IFFO2: variants seen among roughly 807,000 people sequenced by gnomAD.
IFFO2 encodes intermediate filament family orphan 2.
A neutral mutation model predicts 53.5 loss-of-function variants in IFFO2; 19 were observed. That is an observed-to-expected ratio of 0.36 (90% CI 0.25 to 0.52). The LOEUF is 0.52. Ranked by LOEUF, IFFO2 falls within the 20% of genes least tolerant of loss-of-function variation. IFFO2 has a pLI of 0.94. For missense variants in IFFO2, 570 were observed against 727.4 expected (o/e 0.78, Z 2.49); for synonymous variants, 303 against 313.6 (o/e 0.97, Z 0.36).
At chr1:18,921,204 C>T (rs1305268424) in intron 1 of IFFO2, 83 bp from the exon 2 acceptor site, 2 of 1,194,454 alleles carry the variant, frequency 1.7e-6, no homozygotes, top group African/African-American at 3.0e-5. Context: ...CAACACCCAC[C>T]CAGGGACTAT....
chr1:18,947,971 T>G lies in IFFO2; in HGVS notation c.665+7697A>C, dbSNP rs1936611342. On this transcript the variant is annotated intron_variant, in intron 1 of 8. Transcript: ENST00000455833. This position sits in a 1 kb window ranked among gnomAD's most constrained non-coding sequence, Gnocchi z 5.0. The stretch of plus-strand genomic sequence containing the variant: ...CCACCTCCTGGGAGGAGCACTGACC[T>G]TGGGGTCCAGAGACCCAGACGGACT... Among the ~76,000 whole-genome samples, 1 of 152,178 alleles carries G rather than the reference T, an allele frequency of 6.6e-6. No individual in the cohort carries two copies. Among genetic ancestry groups the G allele is most frequent in the Non-Finnish European group, 1.5e-5 (1 of 68,030 alleles).
Position 18,906,903 on chromosome 1 carries a change from C to T in IFFO2, c.*1658G>A, listed in dbSNP as rs955490635. 4.6e-5 allele frequency: 7 copies of T among 151,488 alleles called. No homozygotes were observed. The highest frequency in any genetic ancestry group is 1.5e-4 in the African/African-American group (6 of 40,932). The allele number at this position is 151,488 out of a possible 1,614,324, so 9.4% of individuals were successfully genotyped here. A position where few individuals can be genotyped will look rare whatever the true frequency, so the allele number is the denominator to read the frequency against. On this transcript the variant is annotated 3_prime_UTR_variant, in exon 9 of 9. Transcript: ENST00000455833. ...ACACATAGTCACTAACACATTCTCA[C>T]GCTCTCTCTCTCTCTCTACATATAT...
At chr1:18,948,085 T>C (rs150621570) in intron 1 of IFFO2, among the ~76,000 whole-genome samples, 9 of 152,266 alleles carry the variant, frequency 5.9e-5, no homozygotes, top group Non-Finnish European at 1.2e-4. Context: ...TTGGGACTGC[T>C]CCCATAATTA....
chr1:18,911,923 C>A (rs1205443525), intron 6 of IFFO2, 40 bp downstream of exon 6: 2 of 1,550,094 alleles, frequency 1.3e-6, no homozygotes, highest in Admixed American at 3.9e-5. Context: ...TCCCCCAGAC[C>A]CCTAGTCCTG....
rs979379267 is a variant in IFFO2, at chr1:18,947,706, G to A, written c.665+7962C>T. 6.6e-6 allele frequency among the ~76,000 whole-genome samples: 1 copy of A among 152,234 alleles called. No individual in the cohort carries two copies. Among genetic ancestry groups the A allele is most frequent in the African/African-American group, 2.4e-5 (1 of 41,460 alleles). ...ACCTTCTCCAAAGAGCAGGGGCCTG[G>A]ACAGGCCTGCTACAGTGGCCCGGGA... is the stretch of plus-strand genomic sequence containing the variant. On this transcript the variant is annotated intron_variant, in intron 1 of 8. Transcript: ENST00000455833. This position sits in a 1 kb window ranked among gnomAD's most constrained non-coding sequence, Gnocchi z 5.0.
At chr1:18,932,518 C>T (rs1936393237) in intron 1 of IFFO2, among the ~76,000 whole-genome samples, 1 of 152,260 alleles carries the variant, frequency 6.6e-6, no homozygotes, top group Non-Finnish European at 1.5e-5. Flanking sequence ...CACTTGACCG[C>T]CTGTGCTCCA....
chr1:18,941,965 C>A (rs1312261085), intron 1 of IFFO2, among the ~76,000 whole-genome samples: 1 of 152,228 alleles, frequency 6.6e-6, no homozygotes, highest in African/African-American at 2.4e-5. Flanking sequence ...TTCCCAGTCA[C>A]CCTGTGCTGA....
intron 5 of IFFO2, among the ~76,000 whole-genome samples, chr1:18,912,772 G>A (rs1936060521): frequency 1.3e-5 from 2 of 152,214 alleles, no homozygotes; most frequent in Admixed American, 6.5e-5. Context: ...GAGGCTCAGA[G>A]GGATTCAGTG....
intron 5 of IFFO2, 123 bp from the exon 6 acceptor site, chr1:18,912,206 A>C (rs1936051556): frequency 1.7e-6 from 2 of 1,179,410 alleles, no homozygotes; most frequent in Non-Finnish European, 2.4e-6. Context: ...CAGGAAAGAC[A>C]GGGGTAGTAA....
In IFFO2 at chr1:18,917,199, C is replaced by T. The variant is rs1224830462; in HGVS notation, c.964-157G>A. The stretch of plus-strand genomic sequence containing the variant: ...TGCAGGTCCTCTAAGAAGCAGGCGG[C>T]GTTAGCAGGAAGCGCGAGGTGGGAG... On this transcript the variant is annotated intron_variant, in intron 4 of 8. Coordinates refer to ENST00000455833, the MANE Select transcript of IFFO2 (RefSeq NM_001136265.2). The surrounding 1 kb of genome is among the most constrained non-coding windows in gnomAD (Gnocchi z 5.9). Among the ~76,000 whole-genome samples, 6 of 152,272 alleles carry T rather than the reference C, an allele frequency of 3.9e-5. No individual in the cohort carries two copies. Among genetic ancestry groups the T allele is most frequent in the Admixed American group, 6.5e-5 (1 of 15,302 alleles).
chr1:18,952,979 G>A (rs1185811914), intron 1 of IFFO2, among the ~76,000 whole-genome samples: 2 of 152,212 alleles, frequency 1.3e-5, no homozygotes, highest in Admixed American at 6.5e-5. Context: ...GCTGAGCCTC[G>A]CAGCCTAAGT....
At chr1:18,914,819 T>C (rs1451505336) in intron 5 of IFFO2, among the ~76,000 whole-genome samples, 2 of 100,814 alleles carry the variant, frequency 2.0e-5, no homozygotes, top group African/African-American at 9.1e-5. Flanking sequence ...CAAGGCTCCA[T>C]CTCAAAAAAA....
chr1:18,948,328 G>A (rs1936615974), intron 1 of IFFO2, among the ~76,000 whole-genome samples: 2 of 152,346 alleles, frequency 1.3e-5, no homozygotes, highest in African/African-American at 4.8e-5. Flanking sequence ...GCACAGAGTT[G>A]TGCTACATTA....
At chr1:18,951,757 G>A (rs1936662626) in intron 1 of IFFO2, among the ~76,000 whole-genome samples, 1 of 152,216 alleles carries the variant, frequency 6.6e-6, no homozygotes, top group African/African-American at 2.4e-5. Context: ...GGTTAAGCCT[G>A]GGGATGGGAT....
chr1:18,920,209 A>G (rs1450687752), intron 2 of IFFO2, among the ~76,000 whole-genome samples: 1 of 152,206 alleles, frequency 6.6e-6, no homozygotes, highest in East Asian at 1.9e-4. Flanking sequence ...TCAACTGTGG[A>G]AGGAGGAACT....
chr1:18,926,910 G>A (rs1936307450), intron 1 of IFFO2, among the ~76,000 whole-genome samples: 1 of 152,188 alleles, frequency 6.6e-6, no homozygotes, highest in Admixed American at 6.5e-5. Flanking sequence ...AGTAGGTGCA[G>A]GCCCAGCAAA....
chr1:18,917,325 A>G lies in IFFO2; in HGVS notation c.964-283T>C, dbSNP rs2100648943. On this transcript the variant is annotated intron_variant, in intron 4 of 8. Transcript: ENST00000455833. The surrounding 1 kb of genome is among the most constrained non-coding windows in gnomAD (Gnocchi z 5.9). ...CCTTTTACCACAGAAGCAGCCCCAC[A>G]GTTTGGGGAGAGGAGCAGGCCAGAC... is the stretch of plus-strand genomic sequence containing the variant. 6.6e-6 allele frequency among the ~76,000 whole-genome samples: 1 copy of G among 152,264 alleles called. No individual in the cohort carries two copies. Among genetic ancestry groups the G allele is most frequent in the Admixed American group, 6.5e-5 (1 of 15,302 alleles).
Position 18,955,812 on chromosome 1 carries a change from C to A in IFFO2, c.521G>T (p.Gly174Val), listed in dbSNP as rs185416039. 5.7e-4 allele frequency: 863 copies of A among 1,521,810 alleles called. 4 individuals are homozygous for A. In the African/African-American group the frequency reaches 0.011, roughly 20 times the overall value. 94.3% of individuals were successfully genotyped at this position (1,521,810 alleles called of 1,614,324 possible). Residue 174 changes from glycine (G) to valine (V), a missense_variant, in exon 1 of 9, where the codon GGC becomes GTC. Coordinates refer to ENST00000455833, the MANE Select transcript of IFFO2 (RefSeq NM_001136265.2). ...GCCGGGGCCCTGCACGGTCTCCACG[C>A]CGCCGCCGCCCGTGCGCCGCACCTG... ...YTQVRRTGGG[G>V]VETVQGPGVS...
intron 1 of IFFO2, among the ~76,000 whole-genome samples, chr1:18,952,969 G>A (rs1936677982): frequency 6.6e-6 from 1 of 152,208 alleles, no homozygotes. Flanking sequence ...CTTGAAGATC[G>A]CTGAGCCTCG....
Sources: allele counts gnomAD v4.1 joint callset (sites outside exome capture counted in the v4.1 genomes callset), GRCh38; gene constraint gnomAD v4.1.1; non-coding constraint Gnocchi (gnomAD v3.1); transcripts MANE v1.5; gene names NCBI Gene and HGNC (gene_info 2026-07-23, HGNC 2026-07-21).